DLGAP1: variants seen among roughly 807,000 people sequenced by gnomAD.
The protein encoded by DLGAP1 is DLG associated protein 1.
DLGAP1 carries 11 observed loss-of-function variants against 90.8 expected under a neutral mutation model. That is an observed-to-expected ratio of 0.12 (90% CI 0.08 to 0.20). The LOEUF (loss-of-function observed/expected upper bound fraction) is 0.20. Among genes scored for constraint, DLGAP1 ranks in the 10% least tolerant of loss-of-function variants. The pLI is 1.00. For missense variants in DLGAP1, 1,050 were observed against 1,333.8 expected (o/e 0.79, Z 3.31); for synonymous variants, 558 against 540.7 (o/e 1.03, Z -0.44).
intron 5 of DLGAP1, among the ~76,000 whole-genome samples, chr18:3,810,832 G>A (rs992712095): frequency 6.6e-6 from 1 of 151,960 alleles, no homozygotes; most frequent in South Asian, 2.1e-4. Context: ...TTGAGACAGG[G>A]TCTCTCTCTG....
intron 1 of DLGAP1, among the ~76,000 whole-genome samples, chr18:4,166,771 C>T (rs1213411208): frequency 1.3e-5 from 2 of 152,156 alleles, no homozygotes; most frequent in African/African-American, 4.8e-5. Flanking sequence ...GTGAAATAAA[C>T]CAAACACACA....
chr18:3,816,368 T>C lies in DLGAP1; in HGVS notation c.958-2095A>G, dbSNP rs551493650. Among the ~76,000 whole-genome samples the C allele has an allele frequency of 3.8e-4, 58 of 152,352 alleles. No individual in the cohort carries two copies. In the South Asian group the frequency reaches 0.011, roughly 29 times the overall value. On this transcript the variant is annotated intron_variant, in intron 4 of 12. Transcript: ENST00000315677. ...ATCAGACACAGATTTCTAAATATTA[T>C]AGGTTCTAAGGAAGTGAGAATAGAT...
chr18:3,822,080 T>C (rs1157891757), intron 4 of DLGAP1: 6 of 746,404 alleles, frequency 8.0e-6, no homozygotes, highest in Non-Finnish European at 6.5e-6. Context: ...AATGTGCAGA[T>C]CCCTAGGCAT....
intron 1 of DLGAP1, among the ~76,000 whole-genome samples, chr18:4,202,851 T>TA (rs1234950071): frequency 6.6e-6 from 1 of 152,218 alleles, no homozygotes; most frequent in East Asian, 1.9e-4. Context: ...TATTCCAAAA[T>TA]AAACATTCTA....
chr18:3,925,110 G>A (rs1424053467), intron 3 of DLGAP1, among the ~76,000 whole-genome samples: 3 of 151,834 alleles, frequency 2.0e-5, no homozygotes, highest in Non-Finnish European at 4.4e-5. Context: ...GCCACACCAC[G>A]CCTAGCTAAT....
chr18:3,843,290 G>A (rs1322228548), intron 4 of DLGAP1, among the ~76,000 whole-genome samples: 1 of 152,182 alleles, frequency 6.6e-6, no homozygotes, highest in Non-Finnish European at 1.5e-5. Context: ...AGCATGCATG[G>A]GTTGACCACT....
intron 3 of DLGAP1, among the ~76,000 whole-genome samples, chr18:3,964,451 T>G (rs1450838770): frequency 6.6e-6 from 1 of 152,054 alleles, no homozygotes; most frequent in African/African-American, 2.4e-5. Context: ...GCATTTGCAG[T>G]GTTTGAGATG....
intron 5 of DLGAP1, among the ~76,000 whole-genome samples, chr18:3,765,117 C>CTTTTTTTTTT (rs921982904): frequency 0.02 from 2,513 of 125,964 alleles, 187 homozygotes; most frequent in East Asian, 0.051. Context: ...CACTTGCAAA[C>CTTTTTTTTTT]TTTTTTTTTT....
At chr18:4,322,078 T>C (rs1265775189) in intron 1 of DLGAP1, among the ~76,000 whole-genome samples, 1 of 151,954 alleles carries the variant, frequency 6.6e-6, no homozygotes, top group Non-Finnish European at 1.5e-5. Context: ...GGGGAACCAG[T>C]AATCCCAGCT....
chr18:3,635,333 T>G (rs2058675729), intron 7 of DLGAP1, among the ~76,000 whole-genome samples: 1 of 148,510 alleles, frequency 6.7e-6, no homozygotes. Context: ...AGACGGGGTT[T>G]CACCTTGTTA....
At chr18:3,552,724 C>G (rs895698161) in intron 9 of DLGAP1, among the ~76,000 whole-genome samples, 2 of 152,220 alleles carry the variant, frequency 1.3e-5, no homozygotes, top group African/African-American at 4.8e-5. Context: ...CACCCTCAGT[C>G]TCTGTCAGGG....
rs1325321847 is a variant in DLGAP1 at position 4,447,095 on chromosome 18, C to A, written c.-267+7911G>T. On this transcript the variant is annotated intron_variant, in intron 1 of 12. Coordinates refer to ENST00000315677, the MANE Select transcript of DLGAP1 (RefSeq NM_004746.4). Reference sequence around the variant, plus strand: ...CTGTTGGGATCATAAATAGGTACAACCATTTTTGGTAATTTGCATTATCTG... The same window carrying A: ...CTGTTGGGATCATAAATAGGTACAAACATTTTTGGTAATTTGCATTATCTG... Among the ~76,000 whole-genome samples the A allele has an allele frequency of 2.0e-5, 3 of 152,126 alleles. No homozygotes were observed. In the East Asian group the frequency reaches 5.8e-4, roughly 29 times the overall value.
intron 5 of DLGAP1, among the ~76,000 whole-genome samples, chr18:3,743,746 G>A (rs1475311736): frequency 2.6e-5 from 4 of 152,094 alleles, no homozygotes; most frequent in Non-Finnish European, 1.5e-5. Flanking sequence ...CGCCTCCTAG[G>A]TTCAAGCAAT....
intron 1 of DLGAP1, among the ~76,000 whole-genome samples, chr18:4,416,323 G>A (rs1446399748): frequency 6.6e-6 from 1 of 152,086 alleles, no homozygotes; most frequent in East Asian, 1.9e-4. Flanking sequence ...AAGGTCAGAT[G>A]ATAATAGGTT....
At position 3,727,171 on chromosome 18, in the gene DLGAP1, T is replaced by C. The variant is rs184831056; in HGVS notation, c.1591+1964A>G. ...AGAATTATTCACTCTTTACCTGAAA[T>C]TGAAATTTAACTGGACGACCTGGAT... On this transcript the variant is annotated intron_variant, in intron 7 of 12. Coordinates refer to ENST00000315677, the MANE Select transcript of DLGAP1 (RefSeq NM_004746.4). The surrounding 1 kb of genome is among the most constrained non-coding windows in gnomAD (Gnocchi z 4.7). 1.3e-5 allele frequency among the ~76,000 whole-genome samples: 2 copies of C among 152,292 alleles called. No homozygotes were observed. Among genetic ancestry groups the C allele is most frequent in the African/African-American group, 2.4e-5 (1 of 41,566 alleles).
At chr18:3,980,852 T>C (rs1174372870) in intron 3 of DLGAP1, among the ~76,000 whole-genome samples, 1 of 152,230 alleles carries the variant, frequency 6.6e-6, no homozygotes, top group African/African-American at 2.4e-5. Context: ...AATTAACATA[T>C]CTATTACCTT....
intron 1 of DLGAP1, among the ~76,000 whole-genome samples, chr18:4,237,484 G>A (rs1283068516): frequency 2.6e-5 from 4 of 152,056 alleles, no homozygotes; most frequent in Admixed American, 6.6e-5. Context: ...GGGGAAGGAC[G>A]GGGGTTGAGT....
chr18:3,647,644 T>G (rs977690699), intron 7 of DLGAP1, among the ~76,000 whole-genome samples: 1 of 152,064 alleles, frequency 6.6e-6, no homozygotes, highest in African/African-American at 2.4e-5. Flanking sequence ...TTTTGTATTT[T>G]TAGTAGAGAT....
At chr18:4,187,672 G>C (rs985673389) in intron 1 of DLGAP1, among the ~76,000 whole-genome samples, 2 of 152,100 alleles carry the variant, frequency 1.3e-5, no homozygotes, top group Admixed American at 6.6e-5. Context: ...TTTGACTAAA[G>C]AAAGTAATGT....
Sources: gnomAD v4.1 joint callset for allele counts (sites outside exome capture counted in the v4.1 genomes callset) on GRCh38, gnomAD v4.1.1 for gene constraint, Gnocchi (gnomAD v3.1) non-coding constraint, MANE v1.5 for transcripts, NCBI Gene and HGNC (gene_info 2026-07-23, HGNC 2026-07-21) for gene names.